The following ARHGAP6 variants were observed in gnomAD, a reference collection of about 807,000 sequenced individuals.
The protein encoded by ARHGAP6 is rho GTPase-activating protein 6.
ARHGAP6 carries 16 observed loss-of-function variants against 55.7 expected under a neutral mutation model. That is an observed-to-expected ratio of 0.29 (90% confidence interval 0.19 to 0.44). The LOEUF (loss-of-function observed/expected upper bound fraction) is 0.44, where lower values mean the gene tolerates loss of function less well. Among genes scored for constraint, ARHGAP6 ranks in the 20% least tolerant of loss-of-function variants. The probability of loss-of-function intolerance (pLI) is 1.00; values close to 1 mark genes in which losing one functional copy is unlikely to be tolerated. For synonymous variants in ARHGAP6, 382 were observed against 360.9 expected (o/e 1.06, Z -0.66); for missense variants, 698 against 808.9 (o/e 0.86, Z 1.66).
At chrX:11,288,193 G>A (rs891308343) in intron 1 of ARHGAP6, among the ~76,000 whole-genome samples, 3 of 112,299 alleles carry the variant, frequency 2.7e-5, no homozygotes, top group African/African-American at 9.7e-5. Flanking sequence ...CTGTGAGTAG[G>A]AGTCTTTGTG....
intron 1 of ARHGAP6, among the ~76,000 whole-genome samples, chrX:11,495,221 AG>A (rs1393983129): frequency 1.8e-5 from 2 of 111,619 alleles, no homozygotes; most frequent in Non-Finnish European, 3.8e-5. Flanking sequence ...TCTGTCTTTT[AG>A]TAGTTGGTGG....
chrX:11,433,401 C>G (rs2049958982), intron 1 of ARHGAP6, among the ~76,000 whole-genome samples: 1 of 111,706 alleles, frequency 9.0e-6, no homozygotes, highest in South Asian at 3.8e-4. Flanking sequence ...AATTTCTACT[C>G]CATGCCACAG....
intron 1 of ARHGAP6, among the ~76,000 whole-genome samples, chrX:11,283,932 T>G (rs986159162): frequency 8.9e-6 from 1 of 112,155 alleles, no homozygotes; most frequent in African/African-American, 3.2e-5. Flanking sequence ...TTGTGATTAT[T>G]TATTATAGCA....
chrX:11,192,274 C>T (rs1352411617), intron 3 of ARHGAP6, among the ~76,000 whole-genome samples: 1 of 112,032 alleles, frequency 8.9e-6, no homozygotes, highest in Non-Finnish European at 1.9e-5. Flanking sequence ...ACTCCGTCAT[C>T]AAATCTTTAT....
rs752459337 is a variant in ARHGAP6, at chrX:11,226,590, G to A, written c.748+27958C>T. 1.2e-4 allele frequency among the ~76,000 whole-genome samples: 13 copies of A among 112,004 alleles called. No individual in the cohort carries two copies. In the Admixed American group the frequency reaches 1.2e-3, roughly 11 times the overall value. ...TTTTACCTGGAAATATAAATCTTGT[G>A]TATAAAATTGATACTTTATGAATAC... is the stretch of plus-strand genomic sequence containing the variant. On this transcript the variant is annotated intron_variant, in intron 2 of 12. Transcript: ENST00000337414.
At chrX:11,656,136 A>G (rs896846074) in intron 1 of ARHGAP6, among the ~76,000 whole-genome samples, 1 of 112,569 alleles carries the variant, frequency 8.9e-6, no homozygotes, top group Non-Finnish European at 1.9e-5. Context: ...ATTAAATGGT[A>G]AAATCCATAT....
intron 1 of ARHGAP6, among the ~76,000 whole-genome samples, chrX:11,279,582 C>T (rs1021392256): frequency 9.0e-6 from 1 of 110,880 alleles, no homozygotes; most frequent in African/African-American, 3.3e-5. Context: ...AGCCCCTTGT[C>T]CTTTGATGTT....
At chrX:11,368,936 A>T (rs1188729643) in intron 1 of ARHGAP6, among the ~76,000 whole-genome samples, 1 of 112,013 alleles carries the variant, frequency 8.9e-6, no homozygotes, top group African/African-American at 3.2e-5. Flanking sequence ...GATTCTCACC[A>T]AGTAAGACTT....
intron 1 of ARHGAP6, among the ~76,000 whole-genome samples, chrX:11,573,168 G>C (rs973208910): frequency 4.5e-5 from 5 of 110,673 alleles, no homozygotes; most frequent in Non-Finnish European, 9.5e-5. Context: ...TTCTTTTGCT[G>C]TGCAGAAGCT....
chrX:11,486,591 T>A (rs2147843296), intron 1 of ARHGAP6, among the ~76,000 whole-genome samples: 1 of 112,254 alleles, frequency 8.9e-6, no homozygotes. Context: ...AACAATTCAA[T>A]CCAAGACCCA....
At chrX:11,376,270 A>G (rs1433355012) in intron 1 of ARHGAP6, among the ~76,000 whole-genome samples, 1 of 112,625 alleles carries the variant, frequency 8.9e-6, no homozygotes, top group Non-Finnish European at 1.9e-5. Flanking sequence ...AACACTGCAG[A>G]TATGATTAAG....
At chrX:11,488,420 T>C (rs1019887114) in intron 1 of ARHGAP6, among the ~76,000 whole-genome samples, 2 of 112,116 alleles carry the variant, frequency 1.8e-5, no homozygotes, top group Non-Finnish European at 3.8e-5. Flanking sequence ...TAAGTTTAAA[T>C]TTATTTAAAG....
chrX:11,299,498 G>T (rs2048142143), intron 1 of ARHGAP6, among the ~76,000 whole-genome samples: 1 of 111,920 alleles, frequency 8.9e-6, no homozygotes, highest in South Asian at 3.7e-4. Flanking sequence ...CTTGGAGGCG[G>T]CTAAACTAAA....
At chrX:11,608,151 T>C (rs1194104925) in intron 1 of ARHGAP6, among the ~76,000 whole-genome samples, 1 of 111,641 alleles carries the variant, frequency 9.0e-6, no homozygotes, top group Admixed American at 9.5e-5. Context: ...CTAGAGTAAG[T>C]AACCCTAAGG....
In ARHGAP6 at chrX:11,197,000, T is replaced by C. The variant is rs2046550440; in HGVS notation, c.749-4A>G. The C allele has an allele frequency of 3.2e-6, 3 of 924,292 alleles. No homozygotes were observed. In the East Asian group the frequency reaches 9.3e-5, roughly 29 times the overall value. The allele number at this position is 924,292 out of a possible 1,213,427, so 76.2% of individuals were successfully genotyped here. ...GATTTCTTTCTCTTTTGTCCATCTG[T>C]AAATATTAAAAGGAGAAGTTATAAA... On this transcript the variant is annotated splice_polypyrimidine_tract_variant and splice_region_variant and intron_variant, in intron 2 of 12. Transcript: ENST00000337414.
At chrX:11,542,399 G>A (rs763102593) in intron 1 of ARHGAP6, among the ~76,000 whole-genome samples, 16 of 111,064 alleles carry the variant, frequency 1.4e-4, no homozygotes, top group Non-Finnish European at 2.1e-4. Flanking sequence ...GCTTGAACTC[G>A]GGTGGCAGAG....
rs1312526089 is a variant in ARHGAP6 at position 11,138,864 on chromosome X, C to T, written c.2924G>A (p.Ter975=). The part of the protein sequence containing the change: ...NPDALPETLV[*] ...GGGGGGGCTCGGCTGGGTGCGGGCT[C>T]AGACCAGCGTCTCGGGCAGGGCATC... The change falls in exon 13 of 13, where the codon TGA becomes TAA. Residue 975 remains the stop codon, a stop_retained_variant. Transcript: ENST00000337414. 1 of 1,176,625 alleles carries T rather than the reference C, an allele frequency of 8.5e-7. No homozygotes were observed. The highest frequency in any genetic ancestry group is 2.3e-5 in the Admixed American group (1 of 43,136).
rs748057936 is a variant in ARHGAP6, at chrX:11,538,140, A to G, written c.588+126101T>C. Reference sequence around the variant, plus strand: ...TCTCTTATAGCTTCTCTATGGCCCAAAGTGTACAAACAAGAGAAACAAAAA... The same window carrying G: ...TCTCTTATAGCTTCTCTATGGCCCAGAGTGTACAAACAAGAGAAACAAAAA... On this transcript the variant is annotated intron_variant, in intron 1 of 12. Coordinates refer to ENST00000337414, the MANE Select transcript of ARHGAP6 (RefSeq NM_013427.3). Among the ~76,000 whole-genome samples the G allele has an allele frequency of 2.7e-5, 3 of 112,276 alleles. No homozygotes were observed. The South Asian group carries it at 1.1e-3, about 42-fold the overall frequency.
intron 1 of ARHGAP6, among the ~76,000 whole-genome samples, chrX:11,376,098 G>C (rs1417784882): frequency 5.4e-5 from 6 of 111,749 alleles, no homozygotes; most frequent in Non-Finnish European, 9.4e-5. Context: ...AAATACAGAA[G>C]AGAGAAAATA....
Sources: allele counts gnomAD v4.1 joint callset (sites outside exome capture counted in the v4.1 genomes callset), GRCh38; gene constraint gnomAD v4.1.1; transcripts MANE v1.5; gene names NCBI Gene and HGNC (gene_info 2026-07-23, HGNC 2026-07-21).